Variants in PDE11A observed in about 807,000 individuals in gnomAD.
PDE11A encodes phosphodiesterase 11A.
A neutral mutation model predicts 100.5 loss-of-function variants in PDE11A; 100 were observed. The ratio of observed to expected loss-of-function variants is 1.00; its 90% CI spans 0.85 to 1.18. The LOEUF is 1.18. Ranked by LOEUF, PDE11A falls within the 50% of genes most tolerant of loss-of-function variation. The probability of loss-of-function intolerance (pLI) is 0.00; values close to 1 mark genes in which losing one functional copy is unlikely to be tolerated. For missense variants in PDE11A, 1,141 were observed against 1,152.6 expected, an observed-to-expected ratio of 0.99 and a Z score of 0.15; for synonymous variants, 381 against 420.8, an observed-to-expected ratio of 0.91 and a Z score of 1.16.
At chr2:177,958,093 G>A (rs1274386460) in intron 2 of PDE11A, among the ~76,000 whole-genome samples, 1 of 151,964 alleles carries the variant, frequency 6.6e-6, no homozygotes, top group East Asian at 1.9e-4. Context: ...GTTTCATCAT[G>A]TTGGCTAGGC....
At chr2:177,781,959 A>G (rs750495247) in intron 9 of PDE11A, among the ~76,000 whole-genome samples, 29 of 152,218 alleles carry the variant, frequency 1.9e-4, no homozygotes, top group Non-Finnish European at 3.5e-4. Flanking sequence ...CAAAGGTTTA[A>G]TGTAATCATT....
At chr2:177,830,601 AAATAATAATAATAATAATAAT>A (rs56365605) in intron 6 of PDE11A, among the ~76,000 whole-genome samples, 10 of 140,018 alleles carry the variant, frequency 7.1e-5, no homozygotes, top group South Asian at 2.4e-4. Flanking sequence ...ACTCCATCTC[AAATAATAATAATAATAATAAT>A]AATAATAATA....
intron 10 of PDE11A, among the ~76,000 whole-genome samples, chr2:177,763,674 C>T (rs945228945): frequency 1.3e-5 from 2 of 152,184 alleles, no homozygotes; most frequent in Non-Finnish European, 2.9e-5. Flanking sequence ...TCTTCCTCTT[C>T]GGCGTTCTCT....
intron 2 of PDE11A, among the ~76,000 whole-genome samples, chr2:177,918,155 A>T (rs188145409): frequency 2.2e-4 from 34 of 152,328 alleles, no homozygotes; most frequent in South Asian, 4.1e-4. Context: ...AAACTGGGGT[A>T]TCAATCCAAA....
chr2:177,894,591 T>C (rs1574259016), intron 4 of PDE11A, among the ~76,000 whole-genome samples: 1 of 152,290 alleles, frequency 6.6e-6, no homozygotes, highest in African/African-American at 2.4e-5. Context: ...CCCTCCGTTT[T>C]GGAGTTCATA....
intron 2 of PDE11A, among the ~76,000 whole-genome samples, chr2:178,006,333 A>T (rs2086210284): frequency 6.6e-6 from 1 of 152,194 alleles, no homozygotes; most frequent in African/African-American, 2.4e-5. Context: ...TAAGCCTTGA[A>T]AGAAAGGTGG....
intron 9 of PDE11A, among the ~76,000 whole-genome samples, chr2:177,791,103 C>A (rs1292804959): frequency 2.0e-5 from 3 of 151,996 alleles, no homozygotes; most frequent in African/African-American, 7.3e-5. Context: ...TTTATTGAGG[C>A]ACTATTCACA....
chr2:177,883,083 A>G (rs1465558814), intron 4 of PDE11A, among the ~76,000 whole-genome samples: 2 of 152,114 alleles, frequency 1.3e-5, no homozygotes, highest in Non-Finnish European at 2.9e-5. Context: ...AGCATGACCA[A>G]CATGGTGAAA....
intron 12 of PDE11A, among the ~76,000 whole-genome samples, chr2:177,715,183 A>G (rs1200252448): frequency 6.6e-6 from 1 of 152,194 alleles, no homozygotes; most frequent in East Asian, 1.9e-4. Flanking sequence ...TGTGCCTCAC[A>G]ATTCTAGGCT....
chr2:178,091,364 C>A (rs1324510499), intron 2 of PDE11A, among the ~76,000 whole-genome samples: 1 of 152,164 alleles, frequency 6.6e-6, no homozygotes, highest in African/African-American at 2.4e-5. Flanking sequence ...AGCCACTGCA[C>A]CTAGCCCACT....
chr2:177,876,147 A>G (rs1011577454), intron 4 of PDE11A, among the ~76,000 whole-genome samples: 4 of 152,216 alleles, frequency 2.6e-5, no homozygotes, highest in African/African-American at 9.6e-5. Context: ...AATACATTTC[A>G]CTAAACATGT....
At chr2:178,034,314 A>T (rs2086583620) in intron 1 of PDE11A, among the ~76,000 whole-genome samples, 1 of 152,016 alleles carries the variant, frequency 6.6e-6, no homozygotes, top group Non-Finnish European at 1.5e-5. Flanking sequence ...CAACGCAACA[A>T]GAAAAGCTAC....
At chr2:177,686,760 A>C (rs1371336060) in intron 15 of PDE11A, 3 of 132,598 alleles carry the variant, frequency 2.3e-5, no homozygotes, top group African/African-American at 8.6e-5. Context: ...CCCAGGCTGG[A>C]ATGCAATGGT....
chr2:177,793,907 C>T (rs915539524), intron 9 of PDE11A, among the ~76,000 whole-genome samples: 15 of 152,224 alleles, frequency 9.9e-5, no homozygotes, highest in Non-Finnish European at 1.5e-4. Context: ...GGAATGGGCA[C>T]CAGTATTGGG....
chr2:177,810,062 T>A (rs556500361), intron 9 of PDE11A, among the ~76,000 whole-genome samples: 11 of 151,288 alleles, frequency 7.3e-5, no homozygotes, highest in African/African-American at 2.2e-4. Context: ...GGAAGAGGTC[T>A]ACCATCCTCC....
At chr2:177,821,002 A>T (rs141755271) in intron 6 of PDE11A, among the ~76,000 whole-genome samples, 399 of 152,076 alleles carry the variant, frequency 2.6e-3, no homozygotes, top group African/African-American at 8.9e-3. Flanking sequence ...TTAGGGAGTT[A>T]ATATGACCTT....
chr2:177,653,544 T>A (rs2080340092), intron 19 of PDE11A, among the ~76,000 whole-genome samples: 2 of 152,218 alleles, frequency 1.3e-5, no homozygotes, highest in Admixed American at 1.3e-4. Flanking sequence ...ATGTTAGTTA[T>A]CAAGGTAAGG....
At chr2:177,838,681 G>A (rs1389074256) in intron 6 of PDE11A, among the ~76,000 whole-genome samples, 1 of 152,154 alleles carries the variant, frequency 6.6e-6, no homozygotes, top group African/African-American at 2.4e-5. Flanking sequence ...GAGTTCGATG[G>A]CCTACAGGGG....
chr2:177,732,993 G>A lies in PDE11A; in HGVS notation c.1789-4821C>T, dbSNP rs180700044. Among the ~76,000 whole-genome samples, 43 of 152,332 alleles carry A rather than the reference G, an allele frequency of 2.8e-4. No individual in the cohort carries two copies. In the East Asian group the frequency reaches 7.1e-3, roughly 25 times the overall value. On this transcript the variant is annotated intron_variant, in intron 10 of 19. Coordinates refer to ENST00000286063, the MANE Select transcript of PDE11A (RefSeq NM_016953.4). ...GAGTAACAGGCAGTATGTATCCTGAGCAGACAAGCATAAAAGATTTGGGAA... is the reference window on the plus strand; with the variant it reads ...GAGTAACAGGCAGTATGTATCCTGAACAGACAAGCATAAAAGATTTGGGAA...
Sources: gnomAD v4.1 joint callset for allele counts (sites outside exome capture counted in the v4.1 genomes callset) on GRCh38, gnomAD v4.1.1 for gene constraint, MANE v1.5 for transcripts, NCBI Gene and HGNC (gene_info 2026-07-23, HGNC 2026-07-21) for gene names.